Variants in CACNB2 observed in about 807,000 individuals in gnomAD.
CACNB2 encodes the protein calcium voltage-gated channel auxiliary subunit beta 2.
CACNB2 carries 42 observed loss-of-function variants against 73.3 expected under a neutral mutation model. That is an observed-to-expected ratio of 0.57 (90% CI 0.45 to 0.74). CACNB2 has a LOEUF of 0.74. Ranked by LOEUF, CACNB2 falls within the 30% of genes least tolerant of loss-of-function variation. CACNB2 has a pLI of 0.00. For synonymous variants in CACNB2, 348 were observed against 310.3 expected (o/e 1.12, Z -1.28); for missense variants, 940 against 853.0 (o/e 1.10, Z -1.27).
chr10:18,157,968 G>C (rs2032181783), intron 2 of CACNB2, among the ~76,000 whole-genome samples: 2 of 152,024 alleles, frequency 1.3e-5, no homozygotes, highest in African/African-American at 4.8e-5. Flanking sequence ...AAGTTCCTCA[G>C]ATTCCTAGTT....
At chr10:18,168,804 T>C (rs959422445) in intron 2 of CACNB2, among the ~76,000 whole-genome samples, 2 of 152,166 alleles carry the variant, frequency 1.3e-5, no homozygotes, top group African/African-American at 4.8e-5. Context: ...GAAAAGCAAA[T>C]GTATTATTTT....
intron 2 of CACNB2, among the ~76,000 whole-genome samples, chr10:18,199,091 G>A (rs1367082153): frequency 2.0e-5 from 3 of 152,038 alleles, no homozygotes; most frequent in East Asian, 3.9e-4. Context: ...ATATGTGTCC[G>A]CTGAGAAAAG....
intron 3 of CACNB2, among the ~76,000 whole-genome samples, chr10:18,462,608 G>A (rs929958591): frequency 1.3e-5 from 2 of 152,138 alleles, no homozygotes; most frequent in African/African-American, 4.8e-5. Context: ...TATCATCTGA[G>A]AGGACTTTTA....
At chr10:18,316,793 C>G (rs1413976950) in intron 2 of CACNB2, among the ~76,000 whole-genome samples, 2 of 152,132 alleles carry the variant, frequency 1.3e-5, no homozygotes, top group African/African-American at 2.4e-5. Flanking sequence ...CTCAATAAGC[C>G]TATAAGAATA....
intron 3 of CACNB2, among the ~76,000 whole-genome samples, chr10:18,426,053 G>A (rs2045583327): frequency 6.6e-6 from 1 of 152,038 alleles, no homozygotes; most frequent in African/African-American, 2.4e-5. Context: ...ATATTTTTCA[G>A]GATTGAACTG....
rs1036895729 is a variant in CACNB2, at chr10:18,501,640, C to G, written c.593+692C>G. Among the ~76,000 whole-genome samples, 4 of 152,242 alleles carry G rather than the reference C, an allele frequency of 2.6e-5. No individual in the cohort carries two copies. The South Asian group carries it at 8.3e-4, about 32-fold the overall frequency. On this transcript the variant is annotated intron_variant, in intron 5 of 13. Transcript: ENST00000324631. ...AGACGGGTCTAAGGACGCAGCATGC[C>G]TCTCCCAATGTGAAAGGATGGGACA...
At chr10:18,184,845 T>C (rs1564326181) in intron 2 of CACNB2, among the ~76,000 whole-genome samples, 1 of 152,138 alleles carries the variant, frequency 6.6e-6, no homozygotes, top group South Asian at 2.1e-4. Flanking sequence ...AAGCCCAGCA[T>C]GCATTAGCTG....
At chr10:18,328,871 C>G (rs1310431349) in intron 2 of CACNB2, among the ~76,000 whole-genome samples, 1 of 152,184 alleles carries the variant, frequency 6.6e-6, no homozygotes, top group African/African-American at 2.4e-5. Flanking sequence ...TAAGGAAACA[C>G]AAAACCTCCA....
intron 12 of CACNB2, 91 bp from the exon 13 acceptor site, chr10:18,538,089 A>G (rs2053783721): frequency 8.4e-7 from 1 of 1,186,630 alleles, no homozygotes; most frequent in Non-Finnish European, 1.3e-6. Flanking sequence ...AAAGGGGTGC[A>G]GCTCATGAGC....
Position 18,321,003 on chromosome 10 carries a change from C to T in CACNB2, c.214-80921C>T, listed in dbSNP as rs1435949505. 4.1e-4 allele frequency among the ~76,000 whole-genome samples: 63 copies of T among 152,144 alleles called. 1 individual carries two copies. Among genetic ancestry groups the T allele is most frequent in the Non-Finnish European group, 1.9e-4 (13 of 68,018 alleles). On this transcript the variant is annotated intron_variant, in intron 2 of 13. Transcript: ENST00000324631. ...AGGGGACAGAAAGCTCATATTTTTC[C>T]TTCTAAGGCAACTATTAGTAAATCC... is the stretch of plus-strand genomic sequence containing the variant.
chr10:18,162,743 C>T (rs1283691793), intron 2 of CACNB2, among the ~76,000 whole-genome samples: 2 of 152,174 alleles, frequency 1.3e-5, no homozygotes, highest in Non-Finnish European at 2.9e-5. Flanking sequence ...GACTTACTTA[C>T]ATAACATCAG....
intron 2 of CACNB2, among the ~76,000 whole-genome samples, chr10:18,228,450 GA>G (rs1275938431): frequency 4.2e-4 from 29 of 69,010 alleles, no homozygotes; most frequent in East Asian, 1.4e-3. Context: ...AAAAAAAAAA[GA>G]AAAAAAAAAA....
intron 2 of CACNB2, among the ~76,000 whole-genome samples, chr10:18,204,185 A>G (rs571767502): frequency 6.6e-6 from 1 of 152,346 alleles, no homozygotes; most frequent in African/African-American, 2.4e-5. Flanking sequence ...GATAGTTGCT[A>G]TAGAAACCAA....
rs1162622923 is a variant in CACNB2, at chr10:18,237,009, AG to A, written c.213+86035del. On this transcript the variant is annotated intron_variant, in intron 2 of 13. Transcript: ENST00000324631. ...ACCAGGCGAAGTGCCAAGCAAGGCA[AG>A]TGCAAACATGGAAAATAGAAAGAAA... Among the ~76,000 whole-genome samples, 3 of 152,338 alleles carry A rather than the reference AG, an allele frequency of 2.0e-5. No homozygotes were observed. In the East Asian group the frequency reaches 5.8e-4, roughly 29 times the overall value.
chr10:18,212,454 C>T (rs1359556112), intron 2 of CACNB2, among the ~76,000 whole-genome samples: 2 of 152,076 alleles, frequency 1.3e-5, no homozygotes, highest in Non-Finnish European at 2.9e-5. Flanking sequence ...ATATCTACCC[C>T]CAGTCTATGA....
At chr10:18,270,229 C>G (rs543774524) in intron 2 of CACNB2, among the ~76,000 whole-genome samples, 1 of 152,190 alleles carries the variant, frequency 6.6e-6, no homozygotes, top group East Asian at 1.9e-4. Flanking sequence ...ACCATCAGAT[C>G]TCATAAAAAC....
At chr10:18,151,105 G>A (rs2031517743) in intron 2 of CACNB2, 130 bp downstream of exon 2, 3 of 714,870 alleles carry the variant, frequency 4.2e-6, no homozygotes, top group South Asian at 1.6e-5. Flanking sequence ...AGTGAAGACG[G>A]TGCTGTTTAA....
intron 3 of CACNB2, among the ~76,000 whole-genome samples, chr10:18,462,921 G>A (rs1189918745): frequency 6.6e-6 from 1 of 151,942 alleles, no homozygotes; most frequent in Admixed American, 6.6e-5. Flanking sequence ...ACCACGCCCA[G>A]CTAATTTTTG....
intron 2 of CACNB2, among the ~76,000 whole-genome samples, chr10:18,238,139 T>C (rs1172224140): frequency 6.6e-6 from 1 of 152,210 alleles, no homozygotes; most frequent in Non-Finnish European, 1.5e-5. Context: ...CCGCTTGCAT[T>C]TGGCATGTGG....
Sources: gnomAD v4.1 joint callset for allele counts (sites outside exome capture counted in the v4.1 genomes callset) on GRCh38, gnomAD v4.1.1 for gene constraint, MANE v1.5 for transcripts, NCBI Gene and HGNC (gene_info 2026-07-23, HGNC 2026-07-21) for gene names.